Variants in SNTG1 observed in about 807,000 individuals in gnomAD.
SNTG1 encodes syntrophin gamma 1.
Under a neutral mutation model 74.7 loss-of-function variants are expected in SNTG1, and 39 were observed. The ratio of observed to expected loss-of-function variants is 0.52; its 90% confidence interval spans 0.40 to 0.68. The LOEUF is 0.68. Among genes scored for constraint, SNTG1 ranks in the 30% least tolerant of loss-of-function variants. SNTG1 has a pLI of 0.00. For synonymous variants in SNTG1, 254 were observed against 217.1 expected, an observed-to-expected ratio of 1.17 and a Z score of -1.49; for missense variants, 685 against 609.5, an observed-to-expected ratio of 1.12 and a Z score of -1.30.
At chr8:50,087,638 T>C (rs1401854610) in intron 1 of SNTG1, among the ~76,000 whole-genome samples, 3 of 152,210 alleles carry the variant, frequency 2.0e-5, no homozygotes, top group African/African-American at 7.2e-5. Flanking sequence ...AATCAAAGCA[T>C]AAACTTAATA....
intron 1 of SNTG1, among the ~76,000 whole-genome samples, chr8:49,980,845 T>A (rs1812613966): frequency 6.6e-6 from 1 of 152,218 alleles, no homozygotes; most frequent in African/African-American, 2.4e-5. Flanking sequence ...TATTAGGGGT[T>A]CATTCACAGA....
Position 50,187,031 on chromosome 8 carries a change from C to A in SNTG1, c.-28+14396C>A, listed in dbSNP as rs186604570. On this transcript the variant is annotated intron_variant, in intron 2 of 18. Transcript: ENST00000642720. ...ATGGTTTGGGGTTTTACATTTAAGT[C>A]TTTAATCCATCTTGAGTTAATTTTT... Among the ~76,000 whole-genome samples the A allele has an allele frequency of 9.2e-5, 14 of 152,116 alleles. No individual in the cohort carries two copies. In the East Asian group the frequency reaches 1.2e-3, roughly 13 times the overall value.
chr8:50,610,192 T>C (rs1226852113), intron 13 of SNTG1, among the ~76,000 whole-genome samples: 6 of 152,216 alleles, frequency 3.9e-5, no homozygotes, highest in African/African-American at 1.4e-4. Flanking sequence ...CTGATGTCTA[T>C]GTATTTTAAT....
chr8:50,307,823 T>C (rs1241765968), intron 2 of SNTG1, among the ~76,000 whole-genome samples: 2 of 152,124 alleles, frequency 1.3e-5, no homozygotes, highest in Non-Finnish European at 1.5e-5. Context: ...ATAGCTGAAC[T>C]TTTAGGAAAG....
intron 2 of SNTG1, among the ~76,000 whole-genome samples, chr8:50,370,262 G>A (rs1321143755): frequency 3.3e-5 from 5 of 152,162 alleles, no homozygotes; most frequent in African/African-American, 9.7e-5. Context: ...CCATAAGGCT[G>A]AGATTGTTAA....
intron 9 of SNTG1, among the ~76,000 whole-genome samples, chr8:50,526,216 G>A (rs75418218): frequency 0.084 from 12,795 of 152,092 alleles, 682 homozygotes; most frequent in South Asian, 0.19. Flanking sequence ...AGTATGCTAT[G>A]TCTATCAGTG....
At chr8:50,515,654 G>A (rs1301760919) in intron 9 of SNTG1, among the ~76,000 whole-genome samples, 1 of 152,058 alleles carries the variant, frequency 6.6e-6, no homozygotes, top group African/African-American at 2.4e-5. Context: ...TTAGTAGGCG[G>A]CTTTCTCCTC....
intron 18 of SNTG1, among the ~76,000 whole-genome samples, chr8:50,760,126 C>A (rs534689550): frequency 2.0e-5 from 3 of 152,136 alleles, no homozygotes; most frequent in East Asian, 1.9e-4. Context: ...GGAGTTCACT[C>A]ATGATTTGGC....
chr8:50,418,966 T>C (rs1373807149), intron 4 of SNTG1, among the ~76,000 whole-genome samples: 1 of 152,152 alleles, frequency 6.6e-6, no homozygotes, highest in East Asian at 1.9e-4. Context: ...TGTTTTTCTC[T>C]ATTATTTGTA....
rs925357035 is a variant in SNTG1 at position 50,101,170 on chromosome 8, G to A, written c.-102-71391G>A. Among the ~76,000 whole-genome samples, 7 of 151,940 alleles carry A rather than the reference G, an allele frequency of 4.6e-5. No individual in the cohort carries two copies. In the East Asian group the frequency reaches 7.7e-4, roughly 17 times the overall value. ...TATATATGTACCACATTTTCCTTAC[G>A]CAATCCATCATTGGTGGGCATCTAG... On this transcript the variant is annotated intron_variant, in intron 1 of 18. Coordinates refer to ENST00000642720, the MANE Select transcript of SNTG1 (RefSeq NM_018967.5).
At chr8:50,517,616 C>CAA (rs1161724778) in intron 9 of SNTG1, among the ~76,000 whole-genome samples, 7,778 of 62,176 alleles carry the variant, frequency 0.13, 510 homozygotes, top group South Asian at 0.2. Context: ...AAATGGAAAG[C>CAA]AAAAAAAAAA....
At chr8:50,720,201 ATC>A (rs1158639246) in intron 17 of SNTG1, among the ~76,000 whole-genome samples, 4 of 152,136 alleles carry the variant, frequency 2.6e-5, no homozygotes, top group Non-Finnish European at 5.9e-5. Flanking sequence ...TTGTATTCCC[ATC>A]TCAACTATCT....
At chr8:50,560,747 A>C (rs1367850289) in intron 12 of SNTG1, among the ~76,000 whole-genome samples, 1 of 152,054 alleles carries the variant, frequency 6.6e-6, no homozygotes, top group Non-Finnish European at 1.5e-5. Flanking sequence ...CATCAAGAAG[A>C]ACAGCTAATG....
chr8:50,088,038 T>G (rs1823077140), intron 1 of SNTG1, among the ~76,000 whole-genome samples: 1 of 148,412 alleles, frequency 6.7e-6, no homozygotes. Context: ...GGTGTTTGGT[T>G]TTTTGTTCTT....
chr8:50,170,894 G>A (rs2082782702), intron 1 of SNTG1, among the ~76,000 whole-genome samples: 1 of 152,126 alleles, frequency 6.6e-6, no homozygotes, highest in South Asian at 2.1e-4. Flanking sequence ...ATCTCCACAG[G>A]GCAGCCTCCC....
In SNTG1 at chr8:50,676,885, G is replaced by A. The variant is rs535944546; in HGVS notation, c.1038+18222G>A. Among the ~76,000 whole-genome samples, 6 of 151,864 alleles carry A rather than the reference G, an allele frequency of 4.0e-5. No individual in the cohort carries two copies. The East Asian group carries it at 1.2e-3, about 29-fold the overall frequency. On this transcript the variant is annotated intron_variant, in intron 15 of 18. Transcript: ENST00000642720. ...ATTTAGGTCAAATAAGTATTTATCAGCAATGTGATTTGGTAATAGAAAGAT... is the reference window on the plus strand; with the variant it reads ...ATTTAGGTCAAATAAGTATTTATCAACAATGTGATTTGGTAATAGAAAGAT...
At chr8:50,596,499 T>C (rs375945724) in intron 13 of SNTG1, among the ~76,000 whole-genome samples, 3 of 152,200 alleles carry the variant, frequency 2.0e-5, no homozygotes, top group South Asian at 4.1e-4. Context: ...AAGCTATTTT[T>C]AAGGGGAGGT....
chr8:49,928,180 T>TAAATAAAA (rs1554522316), intron 1 of SNTG1, among the ~76,000 whole-genome samples: 12 of 144,082 alleles, frequency 8.3e-5, no homozygotes, highest in South Asian at 4.5e-4. Context: ...AATAAATAAA[T>TAAATAAAA]AAAAATAAAA....
At chr8:50,483,526 C>T (rs2093757885) in intron 8 of SNTG1, among the ~76,000 whole-genome samples, 2 of 151,888 alleles carry the variant, frequency 1.3e-5, no homozygotes, top group South Asian at 2.1e-4. Context: ...TCCATGGTGG[C>T]CCCAACAATG....
Sources: gnomAD v4.1 joint callset for allele counts (sites outside exome capture counted in the v4.1 genomes callset) on GRCh38, gnomAD v4.1.1 for gene constraint, MANE v1.5 for transcripts, NCBI Gene and HGNC (gene_info 2026-07-23, HGNC 2026-07-21) for gene names.